The following SGCZ variants were observed in gnomAD, a reference collection of about 807,000 sequenced individuals.
SGCZ encodes the protein zeta-sarcoglycan.
Under a neutral mutation model 41.3 loss-of-function variants are expected in SGCZ, and 40 were observed. The ratio of observed to expected loss-of-function variants is 0.97; its 90% CI spans 0.75 to 1.26. The LOEUF is 1.26. Among genes scored for constraint, SGCZ ranks in the 50% most tolerant of loss-of-function variants. SGCZ has a pLI of 0.00. For synonymous variants in SGCZ, 206 were observed against 137.5 expected, an observed-to-expected ratio of 1.50 and a Z score of -3.49; for missense variants, 552 against 369.8, an observed-to-expected ratio of 1.49 and a Z score of -4.04.
intron 1 of SGCZ, among the ~76,000 whole-genome samples, chr8:15,014,472 C>G (rs1175469416): frequency 6.6e-6 from 1 of 152,196 alleles, no homozygotes; most frequent in Non-Finnish European, 1.5e-5. Context: ...AAGCACCTAA[C>G]AAAGAGTTAC....
At chr8:14,298,310 C>A (rs557918631) in intron 3 of SGCZ, among the ~76,000 whole-genome samples, 263 of 151,916 alleles carry the variant, frequency 1.7e-3, no homozygotes, top group Non-Finnish European at 3.2e-3. Flanking sequence ...ATAAAGATAT[C>A]TTCTCTTGTC....
intron 1 of SGCZ, among the ~76,000 whole-genome samples, chr8:14,572,952 T>C (rs1015008578): frequency 6.6e-6 from 1 of 152,196 alleles, no homozygotes; most frequent in African/African-American, 2.4e-5. Context: ...ATGCAAAGCA[T>C]TTTAAATATC....
intron 2 of SGCZ, among the ~76,000 whole-genome samples, chr8:14,493,252 C>A (rs1801893720): frequency 6.6e-6 from 1 of 151,786 alleles, no homozygotes; most frequent in Admixed American, 6.6e-5. Flanking sequence ...ACATGAACCT[C>A]CTCAATCTGA....
intron 1 of SGCZ, among the ~76,000 whole-genome samples, chr8:14,816,968 A>G (rs1175286629): frequency 6.6e-6 from 1 of 152,200 alleles, no homozygotes; most frequent in African/African-American, 2.4e-5. Flanking sequence ...TAAGCTCACA[A>G]TTGATACCAG....
In SGCZ at chr8:15,228,991, C is replaced by A. The variant is rs113294537; in HGVS notation, c.39+8594G>T. On this transcript the variant is annotated intron_variant, in intron 1 of 7. Coordinates refer to ENST00000382080, the MANE Select transcript of SGCZ (RefSeq NM_139167.4). ...GGTGGATCACCTGAGGTCAGGAGTT[C>A]AAGACCAGCCTGGCCAACATGGTGA... Among the ~76,000 whole-genome samples the A allele has an allele frequency of 2.3e-3, 349 of 152,178 alleles. 1 individual carries two copies. Among genetic ancestry groups the A allele is most frequent in the African/African-American group, 8.0e-3 (334 of 41,532 alleles).
chr8:14,547,285 C>T (rs1335809944), intron 2 of SGCZ, among the ~76,000 whole-genome samples: 1 of 152,092 alleles, frequency 6.6e-6, no homozygotes, highest in African/African-American at 2.4e-5. Context: ...GATTAGCTCG[C>T]TCTGACAAAT....
intron 1 of SGCZ, among the ~76,000 whole-genome samples, chr8:15,008,277 T>A (rs1648640210): frequency 6.6e-6 from 1 of 152,056 alleles, no homozygotes; most frequent in South Asian, 2.1e-4. Flanking sequence ...CCTATTTCTT[T>A]TGCCAAATGA....
intron 1 of SGCZ, among the ~76,000 whole-genome samples, chr8:14,854,282 T>C (rs971849362): frequency 4.6e-5 from 7 of 151,668 alleles, no homozygotes; most frequent in Non-Finnish European, 7.4e-5. Flanking sequence ...GCAAAATGAC[T>C]CACTTTACTA....
At chr8:14,247,323 T>A (rs1799138258) in intron 3 of SGCZ, among the ~76,000 whole-genome samples, 1 of 152,162 alleles carries the variant, frequency 6.6e-6, no homozygotes, top group Admixed American at 6.5e-5. Context: ...GTCCCCATCC[T>A]GAAGCTCTCT....
At chr8:14,707,167 A>C (rs1488004849) in intron 1 of SGCZ, among the ~76,000 whole-genome samples, 2 of 146,538 alleles carry the variant, frequency 1.4e-5, no homozygotes, top group East Asian at 4.2e-4. Flanking sequence ...ATATCTCCAA[A>C]TACTAACCCT....
At chr8:14,218,902 C>A (rs895632811) in intron 4 of SGCZ, among the ~76,000 whole-genome samples, 1 of 152,136 alleles carries the variant, frequency 6.6e-6, no homozygotes, top group African/African-American at 2.4e-5. Context: ...TCTACGACCA[C>A]CAATTGAGTG....
At chr8:14,767,653 T>A (rs1204408820) in intron 1 of SGCZ, among the ~76,000 whole-genome samples, 1 of 152,182 alleles carries the variant, frequency 6.6e-6, no homozygotes. Context: ...ATTCGGAATC[T>A]TAATATAGCA....
At chr8:14,281,856 A>T (rs923045931) in intron 3 of SGCZ, among the ~76,000 whole-genome samples, 1 of 60,026 alleles carries the variant, frequency 1.7e-5, no homozygotes, top group Non-Finnish European at 3.9e-5. Flanking sequence ...AGTTTGTCAG[A>T]ACCATACTGT....
intron 7 of SGCZ, among the ~76,000 whole-genome samples, chr8:14,094,623 T>G (rs907312632): frequency 2.6e-5 from 4 of 152,198 alleles, no homozygotes; most frequent in South Asian, 2.1e-4. Flanking sequence ...TATAGTAGAA[T>G]GATTTATAAT....
At chr8:14,835,317 T>C (rs779448501) in intron 1 of SGCZ, among the ~76,000 whole-genome samples, 1 of 152,222 alleles carries the variant, frequency 6.6e-6, no homozygotes, top group Non-Finnish European at 1.5e-5. Context: ...AATACTAATA[T>C]TTTTCTGTAG....
chr8:14,589,462 T>G (rs979517293), intron 1 of SGCZ, among the ~76,000 whole-genome samples: 2 of 151,998 alleles, frequency 1.3e-5, no homozygotes, highest in East Asian at 3.9e-4. Flanking sequence ...GAAAAAAACA[T>G]GTATTAGATT....
rs1804493879 is a variant in SGCZ, at chr8:14,569,743, G to C, written c.40-14817C>G. ...TAGGGCAGCCTGTCGAGGCCTCTTT[G>C]AAAACTGAAGTTTTGAGTAAAGTCC... On this transcript the variant is annotated intron_variant, in intron 1 of 7. Transcript: ENST00000382080. Among the ~76,000 whole-genome samples the C allele has an allele frequency of 2.0e-5, 3 of 152,184 alleles. No individual in the cohort carries two copies. In the South Asian group the frequency reaches 6.2e-4, roughly 32 times the overall value.
intron 1 of SGCZ, among the ~76,000 whole-genome samples, chr8:14,579,919 G>A (rs1190969825): frequency 6.6e-6 from 1 of 152,162 alleles, no homozygotes; most frequent in Non-Finnish European, 1.5e-5. Context: ...GTGCCAGAGA[G>A]TGTGAAGGTT....
chr8:14,987,685 G>T (rs1447811408), intron 1 of SGCZ, among the ~76,000 whole-genome samples: 3 of 151,832 alleles, frequency 2.0e-5, no homozygotes, highest in Non-Finnish European at 4.4e-5. Context: ...CATCTTTACT[G>T]GAAGAAACTT....
Sources: allele counts gnomAD v4.1 joint callset (sites outside exome capture counted in the v4.1 genomes callset), GRCh38; gene constraint gnomAD v4.1.1; transcripts MANE v1.5; gene names NCBI Gene and HGNC (gene_info 2026-07-23, HGNC 2026-07-21).